Variants in ZNF469 observed in about 807,000 individuals in gnomAD.
ZNF469 encodes zinc finger protein 469.
Under a neutral mutation model 1.0 loss-of-function variants are expected in ZNF469, and 1 was observed. The ratio of observed to expected loss-of-function variants is 1.00; its 90% CI spans 0.35 to 4.73. The LOEUF is 4.73. Ranked by LOEUF, ZNF469 falls within the 30% of genes most tolerant of loss-of-function variation. The probability of loss-of-function intolerance (pLI) is 0.16; values close to 1 mark genes in which losing one functional copy is unlikely to be tolerated. For missense variants in ZNF469, 6,100 were observed against 5,356.3 expected (o/e 1.14, Z -4.33); for synonymous variants, 2,703 against 2,363.4 (o/e 1.14, Z -4.17).
chr16:88,430,300 C>T lies in ZNF469; in HGVS notation c.2830C>T (p.Gln944Ter). 6.6e-7 allele frequency: 1 copy of T among 1,514,678 alleles called. No individual in the cohort carries two copies. The highest frequency in any genetic ancestry group is 1.2e-5 in the South Asian group (1 of 80,734). 93.8% of individuals were successfully genotyped at this position (1,514,678 alleles called of 1,614,324 possible). A position where few individuals can be genotyped will look rare whatever the true frequency, so the allele number is the denominator to read the frequency against. ...TEADAPSQGR[Q>*]QRRGKQLKLF... ...GGCGGATGCGCCCAGCCAGGGCAGG[C>T]AGCAGAGGAGGGGGAAGCAGTTGAA... Residue 944 changes from glutamine (Q) to a stop codon, truncating the protein, a stop_gained, in exon 3 of 3, where the codon CAG (glutamine) becomes TAG (stop). Transcript: ENST00000565624. LOFTEE classifies it low-confidence loss of function (END_TRUNC).
the ZNF469 span, among the ~76,000 whole-genome samples, chr16:88,305,463 C>G: frequency 1.3e-5 from 2 of 151,066 alleles, no homozygotes; most frequent in South Asian, 2.1e-4. Flanking sequence ...GACACACACG[C>G]ACACCCTCAC....
intron 1 of ZNF469, among the ~76,000 whole-genome samples, chr16:88,399,853 C>T (rs532085306): frequency 4.6e-5 from 7 of 152,366 alleles, no homozygotes; most frequent in Non-Finnish European, 1.0e-4. Context: ...AGGACGGCAG[C>T]CCCTCTGCCA....
chr16:88,279,117 C>A, the ZNF469 span, among the ~76,000 whole-genome samples: 11 of 127,912 alleles, frequency 8.6e-5, no homozygotes, highest in Non-Finnish European at 1.4e-4. Flanking sequence ...GTGTAGATAT[C>A]ACTGCACGGT....
chr16:88,242,182 G>A, the ZNF469 span, among the ~76,000 whole-genome samples: 1 of 152,212 alleles, frequency 6.6e-6, no homozygotes, highest in Admixed American at 6.5e-5. Flanking sequence ...GTGGTCAAGG[G>A]TGAGGAGCCT....
intron 1 of ZNF469, among the ~76,000 whole-genome samples, chr16:88,384,493 A>T (rs1450905285): frequency 6.6e-6 from 1 of 152,228 alleles, no homozygotes; most frequent in Non-Finnish European, 1.5e-5. Context: ...TAGGAAGGGC[A>T]GCCAGGCACC....
chr16:88,116,068 C>G, the ZNF469 span, among the ~76,000 whole-genome samples: 3 of 152,236 alleles, frequency 2.0e-5, no homozygotes, highest in African/African-American at 7.2e-5. Flanking sequence ...AAAGTATTCA[C>G]TAACACACAT....
chr16:88,140,848 G>A, the ZNF469 span, among the ~76,000 whole-genome samples: 3 of 152,154 alleles, frequency 2.0e-5, no homozygotes, highest in African/African-American at 7.2e-5. Context: ...CAGGAGAGTC[G>A]CTTGAACCCA....
the ZNF469 span, among the ~76,000 whole-genome samples, chr16:88,279,169 T>C: frequency 2.3e-5 from 3 of 133,310 alleles, no homozygotes; most frequent in African/African-American, 5.2e-5. Flanking sequence ...ACCGTGTAGA[T>C]ATCAGTGCAC....
chr16:88,138,771 A>G, the ZNF469 span, among the ~76,000 whole-genome samples: 3 of 152,262 alleles, frequency 2.0e-5, no homozygotes, highest in African/African-American at 7.2e-5. Flanking sequence ...CCTAATGGAA[A>G]CACATTTAAA....
rs1447157445 is a variant in ZNF469, at chr16:88,439,180, C to A, written c.11710C>A (p.Pro3904Thr). 4 of 1,550,346 alleles carry A rather than the reference C, an allele frequency of 2.6e-6. No homozygotes were observed. Among genetic ancestry groups the A allele is most frequent in the Non-Finnish European group, 8.7e-7 (1 of 1,146,972 alleles). Reference sequence around the variant, plus strand: ...CCCCCAGGGGAGACCCCTGCTCAGGCCCCCCAAGAGGGGCACAGCTGTCCA... The same window carrying A: ...CCCCCAGGGGAGACCCCTGCTCAGGACCCCCAAGAGGGGCACAGCTGTCCA... ...AFPQGRPLLR[P>T]PKRGTAVHGA... Residue 3904 changes from proline to threonine, a missense_variant, in exon 3 of 3, where the codon CCC becomes ACC. By Grantham distance (38) the Pro-to-Thr change is conservative. Coordinates refer to ENST00000565624, the MANE Select transcript of ZNF469 (RefSeq NM_001367624.2).
the ZNF469 span, chr16:88,100,935 C>A: frequency 3.5e-6 from 1 of 287,050 alleles, no homozygotes; most frequent in South Asian, 2.8e-5. Context: ...CCAGCCAGTG[C>A]GCAGAGACGC....
At position 88,434,620 on chromosome 16, in the gene ZNF469, G is replaced by A. The variant is rs1333694093; in HGVS notation, c.7150G>A (p.Glu2384Lys). 4 of 1,550,214 alleles carry A rather than the reference G, an allele frequency of 2.6e-6. No individual in the cohort carries two copies. The Admixed American group carries it at 7.8e-5, about 30-fold the overall frequency. Residue 2384 changes from glutamate to lysine, a missense_variant, in exon 3 of 3, where the codon GAG becomes AAG. Coordinates refer to ENST00000565624, the MANE Select transcript of ZNF469 (RefSeq NM_001367624.2). ...GGAGCCGGAGGACCCAGGGACCCCT[G>A]AGACCGGGCGCTCTGGTGCTACCAA... ...SKEPEDPGTP[E>K]TGRSGATKMP...
At chr16:88,176,767 A>G in the ZNF469 span, among the ~76,000 whole-genome samples, 3 of 152,256 alleles carry the variant, frequency 2.0e-5, no homozygotes, top group Non-Finnish European at 4.4e-5. Flanking sequence ...ACAACCCCCA[A>G]CGCCCAGCGC....
At chr16:88,199,470 C>T in the ZNF469 span, among the ~76,000 whole-genome samples, 1 of 152,224 alleles carries the variant, frequency 6.6e-6, no homozygotes, top group Non-Finnish European at 1.5e-5. Flanking sequence ...ATCCACCTGC[C>T]CCCATGGCCT....
chr16:88,274,141 T>C, the ZNF469 span, among the ~76,000 whole-genome samples: 1 of 152,210 alleles, frequency 6.6e-6, no homozygotes, highest in Non-Finnish European at 1.5e-5. Flanking sequence ...CTCTGACACA[T>C]GCTACTGCAT....
the ZNF469 span, among the ~76,000 whole-genome samples, chr16:88,160,123 CCGA>C: frequency 1.3e-5 from 2 of 152,208 alleles, no homozygotes; most frequent in South Asian, 2.1e-4. Context: ...ACAGAACCCA[CCGA>C]AGGGTGCTGA....
the ZNF469 span, among the ~76,000 whole-genome samples, chr16:88,306,850 G>C: frequency 6.6e-6 from 1 of 152,194 alleles, no homozygotes; most frequent in Admixed American, 6.5e-5. Flanking sequence ...TCTGTATTTA[G>C]ATATAAGTCA....
rs1906363599 is a variant in ZNF469, at chr16:88,433,720, C to T, written c.6250C>T (p.Pro2084Ser). The T allele has an allele frequency of 6.5e-7, 1 of 1,548,776 alleles. No homozygotes were observed. Among genetic ancestry groups the T allele is most frequent in the Non-Finnish European group, 8.7e-7 (1 of 1,146,742 alleles). ...CCGAAGTGGATCTGAGGGCCGGACT[C>T]CAGAGAGGGCGTCCAGCCCCGGCCT... ...HSRSGSEGRT[P>S]ERASSPGLNK... The change falls in exon 3 of 3, where the codon CCA (proline) becomes TCA (serine). Residue 2084 changes from proline (P) to serine (S), a missense_variant. By Grantham distance (74) the Pro-to-Ser change is moderately conservative. Coordinates refer to ENST00000565624, the MANE Select transcript of ZNF469 (RefSeq NM_001367624.2).
chr16:88,123,126 A>G, the ZNF469 span, among the ~76,000 whole-genome samples: 1 of 152,180 alleles, frequency 6.6e-6, no homozygotes, highest in African/African-American at 2.4e-5. Context: ...TTGCACTCAC[A>G]TAGCCAGCAC....
Sources: allele counts gnomAD v4.1 joint callset (sites outside exome capture counted in the v4.1 genomes callset), GRCh38; gene constraint gnomAD v4.1.1; transcripts MANE v1.5; gene names NCBI Gene and HGNC (gene_info 2026-07-23, HGNC 2026-07-21).